Variants in FSTL4 observed in about 807,000 individuals in gnomAD.
The protein encoded by FSTL4 is follistatin like 4, also known as follistatin-related protein 4.
A neutral mutation model predicts 78.2 loss-of-function variants in FSTL4; 28 were observed. The observed-to-expected ratio is 0.36, with a 90% CI of 0.27 to 0.49. The LOEUF (loss-of-function observed/expected upper bound fraction) is 0.49. Among genes scored for constraint, FSTL4 ranks in the 20% least tolerant of loss-of-function variants. The pLI is 0.98. For missense variants in FSTL4, 922 were observed against 1,084.9 expected (o/e 0.85, Z 2.11); for synonymous variants, 422 against 440.5 (o/e 0.96, Z 0.53).
At chr5:133,698,367 T>C in the FSTL4 span, among the ~76,000 whole-genome samples, 2 of 152,188 alleles carry the variant, frequency 1.3e-5, no homozygotes, top group African/African-American at 2.4e-5. Context: ...GGGACAGTCA[T>C]TGTGGCAATG....
chr5:133,380,356 T>C (rs1755539227), intron 4 of FSTL4, among the ~76,000 whole-genome samples: 2 of 151,984 alleles, frequency 1.3e-5, no homozygotes, highest in African/African-American at 4.8e-5. Flanking sequence ...AGGAGGATGA[T>C]ATTACTACTG....
chr5:133,639,792 G>GT, the FSTL4 span, among the ~76,000 whole-genome samples: 1 of 152,138 alleles, frequency 6.6e-6, no homozygotes, highest in African/African-American at 2.4e-5. Flanking sequence ...CGCATCTTAT[G>GT]TGCTACCAGC....
the FSTL4 span, among the ~76,000 whole-genome samples, chr5:133,656,934 A>G: frequency 6.6e-6 from 1 of 152,134 alleles, no homozygotes; most frequent in Non-Finnish European, 1.5e-5. Flanking sequence ...GATTCTGGCT[A>G]TTGTTTAAGT....
intron 4 of FSTL4, among the ~76,000 whole-genome samples, chr5:133,335,039 G>A (rs1008192399): frequency 6.6e-6 from 1 of 152,200 alleles, no homozygotes; most frequent in Non-Finnish European, 1.5e-5. Flanking sequence ...GGACACCTTG[G>A]GGTGTCCTAC....
intron 4 of FSTL4, among the ~76,000 whole-genome samples, chr5:133,353,195 T>C (rs988080437): frequency 6.6e-6 from 1 of 152,192 alleles, no homozygotes; most frequent in Non-Finnish European, 1.5e-5. Context: ...ACCCTCCTGC[T>C]CCTCCACCCC....
At chr5:133,251,092 AG>A (rs1232085615) in intron 6 of FSTL4, among the ~76,000 whole-genome samples, 6 of 152,338 alleles carry the variant, frequency 3.9e-5, no homozygotes, top group African/African-American at 1.4e-4. Flanking sequence ...CCTTAAATCA[AG>A]TTCTGCTCAC....
chr5:133,464,261 AG>A (rs1431749424), intron 3 of FSTL4, among the ~76,000 whole-genome samples: 1 of 152,202 alleles, frequency 6.6e-6, no homozygotes, highest in South Asian at 2.1e-4. Context: ...GCGGCAGTGG[AG>A]GTGCCCAGAA....
the FSTL4 span, among the ~76,000 whole-genome samples, chr5:133,792,173 G>A: frequency 1.3e-5 from 2 of 152,152 alleles, no homozygotes; most frequent in Non-Finnish European, 2.9e-5. Context: ...TCTCCATGAT[G>A]CAGCTGACCT....
At chr5:133,655,746 G>A in the FSTL4 span, among the ~76,000 whole-genome samples, 1 of 152,166 alleles carries the variant, frequency 6.6e-6, no homozygotes, top group African/African-American at 2.4e-5. Flanking sequence ...GAGGAACAAA[G>A]CCAAGACTTA....
chr5:133,634,559 C>G, the FSTL4 span, among the ~76,000 whole-genome samples: 2 of 152,098 alleles, frequency 1.3e-5, no homozygotes. Flanking sequence ...CCTTATGTCT[C>G]TTTATAATGT....
chr5:133,469,658 G>A (rs927269942), intron 3 of FSTL4, among the ~76,000 whole-genome samples: 4 of 152,150 alleles, frequency 2.6e-5, no homozygotes, highest in African/African-American at 7.2e-5. Flanking sequence ...CATTTCTTTC[G>A]CCTGCTGAGA....
At chr5:133,382,948 G>A (rs1043780578) in intron 4 of FSTL4, among the ~76,000 whole-genome samples, 1 of 152,122 alleles carries the variant, frequency 6.6e-6, no homozygotes, top group Non-Finnish European at 1.5e-5. Flanking sequence ...GAGAGAAGGG[G>A]GGTGGGAGAA....
intron 15 of FSTL4, among the ~76,000 whole-genome samples, chr5:133,200,360 C>T (rs917844198): frequency 5.3e-5 from 8 of 152,252 alleles, no homozygotes; most frequent in African/African-American, 1.9e-4. Flanking sequence ...GCAGTCTCTT[C>T]TCTGACCACA....
At chr5:133,748,324 C>T in the FSTL4 span, among the ~76,000 whole-genome samples, 1 of 152,278 alleles carries the variant, frequency 6.6e-6, no homozygotes, top group African/African-American at 2.4e-5. Context: ...AATCCCAGCA[C>T]TTTGGGAGGC....
chr5:133,229,320 G>A (rs1471001757), intron 8 of FSTL4, among the ~76,000 whole-genome samples: 1 of 152,188 alleles, frequency 6.6e-6, no homozygotes, highest in Non-Finnish European at 1.5e-5. Flanking sequence ...CCAGGAGTTT[G>A]AGACCAGCCT....
At position 133,534,160 on chromosome 5, in the gene FSTL4, T is replaced by TA. The variant is rs138771299; in HGVS notation, c.160+33025dup. On this transcript the variant is annotated intron_variant, in intron 3 of 15. Coordinates refer to ENST00000265342, the MANE Select transcript of FSTL4 (RefSeq NM_015082.2). ...GGTTGTATTAAAAAAAACCTGATTG[T>TA]AAAAAAAAAAAACCAAATAAGTAAA... Among the ~76,000 whole-genome samples, 171 of 144,402 alleles carry TA rather than the reference T, an allele frequency of 1.2e-3. 3 individuals carry two copies. Among genetic ancestry groups the TA allele is most frequent in the Middle Eastern group, 7.1e-3 (2 of 280 alleles). 94.7% of individuals were successfully genotyped at this position (144,402 alleles called of 152,430 possible).
chr5:133,400,837 C>T lies in FSTL4; in HGVS notation c.310G>A (p.Asp104Asn). The T allele has an allele frequency of 6.2e-7, 1 of 1,614,062 alleles. No individual in the cohort carries two copies. Among genetic ancestry groups the T allele is most frequent in the Non-Finnish European group, 8.5e-7 (1 of 1,180,040 alleles). Residue 104 changes from aspartate (D) to asparagine (N), a missense_variant, in exon 4 of 16, where the codon GAT (aspartate) becomes AAT (asparagine). Physicochemically the swap from Asp to Asn is conservative, Grantham distance 23. Transcript: ENST00000265342. ...RPSYVPVCGS[D>N]GRFYENHCKL... The stretch of plus-strand genomic sequence containing the variant: ...CAGTGGTTTTCATAAAACCTCCCAT[C>T]AGAGCCGCACACAGGCACGTAGCTG...
At chr5:133,651,657 G>A in the FSTL4 span, among the ~76,000 whole-genome samples, 1 of 151,368 alleles carries the variant, frequency 6.6e-6, no homozygotes, top group Admixed American at 6.6e-5. Context: ...TTTTTTTGAG[G>A]CGGAGTCTTG....
intron 3 of FSTL4, chr5:133,458,456 T>C (rs1042186459): frequency 4.6e-5 from 7 of 152,244 alleles, no homozygotes; most frequent in Admixed American, 1.3e-4. Context: ...TTCCTCCCCG[T>C]TCTCTGTCTT....
Sources: gnomAD v4.1 joint callset for allele counts (sites outside exome capture counted in the v4.1 genomes callset) on GRCh38, gnomAD v4.1.1 for gene constraint, MANE v1.5 for transcripts, NCBI Gene and HGNC (gene_info 2026-07-23, HGNC 2026-07-21) for gene names.